VSTM4: variants seen among roughly 807,000 people sequenced by gnomAD.
VSTM4 encodes the protein V-set and transmembrane domain containing 4, also known as V-set and transmembrane domain-containing protein 4.
In VSTM4, 20 loss-of-function variants were observed where a neutral mutation model predicts 36.4. That is an observed-to-expected ratio of 0.55 (90% CI 0.39 to 0.80). VSTM4 has a LOEUF of 0.80. VSTM4 is among the 30% of genes least tolerant of loss of function. The pLI is 0.00. For synonymous variants in VSTM4, 182 were observed against 173.9 expected (o/e 1.05, Z -0.37); for missense variants, 392 against 404.5 (o/e 0.97, Z 0.26).
At position 49,018,408 on chromosome 10, in the gene VSTM4, C is replaced by T. The variant is rs1477077087; in HGVS notation, c.*1242G>A. 1 of 152,148 alleles carries T rather than the reference C, an allele frequency of 6.6e-6. No homozygotes were observed. Among genetic ancestry groups the T allele is most frequent in the African/African-American group, 2.4e-5 (1 of 41,436 alleles). 9.4% of individuals were successfully genotyped at this position (152,148 alleles called of 1,614,324 possible). A position where few individuals can be genotyped will look rare whatever the true frequency, so the allele number is the denominator to read the frequency against. On this transcript the variant is annotated 3_prime_UTR_variant, in exon 8 of 8. Transcript: ENST00000332853. Reference sequence around the variant, plus strand: ...AGGGGATAAGAAATTTAGCCAAGTTCACACAGCTATATAGAGGGCACAACT... The same window carrying T: ...AGGGGATAAGAAATTTAGCCAAGTTTACACAGCTATATAGAGGGCACAACT...
Position 49,107,551 on chromosome 10 carries a change from C to T in VSTM4, c.457+43G>A, listed in dbSNP as rs370937089. On this transcript the variant is annotated intron_variant, in intron 2 of 7. Coordinates refer to ENST00000332853, the MANE Select transcript of VSTM4 (RefSeq NM_001031746.5). ...TGGCTGCAAAGGGGGGCCTACTGGC[C>T]TGCCCCACCACCACCTCTACCCAGG... The T allele has an allele frequency of 1.9e-5, 30 of 1,557,332 alleles. No homozygotes were observed. In the East Asian group the frequency reaches 4.7e-4, roughly 25 times the overall value.
chr10:49,028,804 T>A (rs939433707), intron 7 of VSTM4, among the ~76,000 whole-genome samples: 2 of 152,220 alleles, frequency 1.3e-5, no homozygotes, highest in Non-Finnish European at 2.9e-5. Flanking sequence ...AAAGTTCAAT[T>A]GGGTAATACC....
At chr10:49,070,962 C>T (rs1027504647) in intron 4 of VSTM4, among the ~76,000 whole-genome samples, 10 of 152,234 alleles carry the variant, frequency 6.6e-5, no homozygotes, top group African/African-American at 2.4e-4. Flanking sequence ...CCACCCGAGT[C>T]TGGCTGTGGG....
chr10:49,068,654 C>T (rs1184034604), intron 4 of VSTM4, among the ~76,000 whole-genome samples: 2 of 152,146 alleles, frequency 1.3e-5, no homozygotes, highest in Non-Finnish European at 2.9e-5. Flanking sequence ...ATAATTAGTG[C>T]TATTAATATT....
intron 3 of VSTM4, among the ~76,000 whole-genome samples, chr10:49,082,601 G>A (rs1393041655): frequency 6.6e-6 from 1 of 152,152 alleles, no homozygotes; most frequent in African/African-American, 2.4e-5. Flanking sequence ...CTTGAACCCA[G>A]GAGGCGGAGG....
chr10:49,034,789 T>C (rs777885359), intron 7 of VSTM4, among the ~76,000 whole-genome samples: 49 of 152,270 alleles, frequency 3.2e-4, no homozygotes, highest in Non-Finnish European at 5.1e-4. Flanking sequence ...GTATTCTCCA[T>C]GTAGGACTGA....
chr10:49,027,412 G>C (rs1843279582), intron 7 of VSTM4, among the ~76,000 whole-genome samples: 1 of 152,166 alleles, frequency 6.6e-6, no homozygotes, highest in African/African-American at 2.4e-5. Flanking sequence ...GCCTCCTGCT[G>C]TGTCTCCGAT....
chr10:49,020,454 G>A (rs1240732639), intron 7 of VSTM4, among the ~76,000 whole-genome samples: 2 of 151,732 alleles, frequency 1.3e-5, no homozygotes, highest in East Asian at 3.9e-4. Context: ...CAGTAAAACA[G>A]ATAAACTGAA....
chr10:49,052,082 C>T (rs1843707221), intron 5 of VSTM4, among the ~76,000 whole-genome samples: 1 of 152,090 alleles, frequency 6.6e-6, no homozygotes. Context: ...TGTATTTGTG[C>T]ATAATGGTTT....
intron 6 of VSTM4, 95 bp from the exon 7 acceptor site, chr10:49,047,139 C>T: frequency 1.6e-6 from 2 of 1,258,338 alleles, no homozygotes; most frequent in Non-Finnish European, 2.3e-6. Context: ...TGAGAGGTCT[C>T]ATACCCCTTC....
intron 1 of VSTM4, among the ~76,000 whole-genome samples, chr10:49,114,588 T>G (rs1844956025): frequency 8.3e-6 from 1 of 120,826 alleles, no homozygotes; most frequent in South Asian, 4.6e-4. Flanking sequence ...AGTTCATGTT[T>G]TTTTTTTTTA....
chr10:49,070,925 C>T (rs1003202808), intron 4 of VSTM4, among the ~76,000 whole-genome samples: 1 of 152,192 alleles, frequency 6.6e-6, no homozygotes, highest in African/African-American at 2.4e-5. Context: ...CCACAGCCAC[C>T]CCATTCTGTG....
At chr10:49,034,335 A>G (rs1292593794) in intron 7 of VSTM4, among the ~76,000 whole-genome samples, 5 of 152,230 alleles carry the variant, frequency 3.3e-5, no homozygotes. Context: ...CAAACCAAGC[A>G]TTAAAACCAA....
chr10:49,096,843 C>G (rs925562959), intron 2 of VSTM4, among the ~76,000 whole-genome samples: 1 of 151,934 alleles, frequency 6.6e-6, no homozygotes, highest in African/African-American at 2.4e-5. Context: ...TTAGTAGACA[C>G]GGGGTTTCAC....
chr10:49,059,147 G>A (rs181023622), intron 5 of VSTM4, among the ~76,000 whole-genome samples: 19 of 152,302 alleles, frequency 1.2e-4, no homozygotes, highest in African/African-American at 4.3e-4. Flanking sequence ...GGTTCTAATC[G>A]GGAAAATGAA....
Position 49,037,020 on chromosome 10 carries a change from T to C in VSTM4, c.837+9963A>G, listed in dbSNP as rs1042876967. Among the ~76,000 whole-genome samples, 4 of 152,210 alleles carry C rather than the reference T, an allele frequency of 2.6e-5. No homozygotes were observed. The East Asian group carries it at 7.7e-4, about 29-fold the overall frequency. ...CCTGGCCAAGTGCTACACTAGGAGA[T>C]CATGGGGCAAGGCTACATATACCTG... On this transcript the variant is annotated intron_variant, in intron 7 of 7. Coordinates refer to ENST00000332853, the MANE Select transcript of VSTM4 (RefSeq NM_001031746.5).
intron 7 of VSTM4, among the ~76,000 whole-genome samples, chr10:49,044,045 C>T (rs1564571225): frequency 6.6e-6 from 1 of 152,150 alleles, no homozygotes; most frequent in African/African-American, 2.4e-5. Flanking sequence ...TTTGTCAGGT[C>T]AGCCAGGTGC....
At chr10:49,055,376 C>T (rs1843762281) in intron 5 of VSTM4, among the ~76,000 whole-genome samples, 2 of 152,182 alleles carry the variant, frequency 1.3e-5, no homozygotes, top group Non-Finnish European at 2.9e-5. Flanking sequence ...TTCCAAGCAG[C>T]TCTATGGCCT....
chr10:49,058,403 C>T (rs111842225), intron 5 of VSTM4, among the ~76,000 whole-genome samples: 16 of 152,256 alleles, frequency 1.1e-4, no homozygotes, highest in South Asian at 4.2e-4. Context: ...GTTTTCACTC[C>T]GGGTTTCCAG....
Sources: allele counts gnomAD v4.1 joint callset (sites outside exome capture counted in the v4.1 genomes callset), GRCh38; gene constraint gnomAD v4.1.1; transcripts MANE v1.5; gene names NCBI Gene and HGNC (gene_info 2026-07-23, HGNC 2026-07-21).